CIB1: variants seen among roughly 807,000 people sequenced by gnomAD.
The protein encoded by CIB1 is calcium and integrin binding 1, also known as calcium and integrin-binding protein 1.
Under a neutral mutation model 25.0 loss-of-function variants are expected in CIB1, and 19 were observed. That is an observed-to-expected ratio of 0.76 (90% CI 0.53 to 1.12). The LOEUF (loss-of-function observed/expected upper bound fraction) is 1.12, where lower values mean the gene tolerates loss of function less well. Among genes scored for constraint, CIB1 ranks in the 50% most tolerant of loss-of-function variants. The pLI is 0.00. For missense variants in CIB1, 236 were observed against 242.6 expected (o/e 0.97, Z 0.18); for synonymous variants, 104 against 98.5 (o/e 1.06, Z -0.33).
chr15:90,230,306 C>T lies in CIB1; in HGVS notation c.*178G>A, dbSNP rs774865095. 1.7e-5 allele frequency: 11 copies of T among 647,964 alleles called. No homozygotes were observed. Among genetic ancestry groups the T allele is most frequent in the African/African-American group, 3.7e-5 (2 of 54,512 alleles). 40.1% of individuals were successfully genotyped at this position (647,964 alleles called of 1,614,324 possible). ...ACAAACACAAACGGAGCAATGACAA[C>T]AGCAGTGAGGAGAGGCCCTGACAAC... On this transcript the variant is annotated 3_prime_UTR_variant, in exon 7 of 7. Transcript: ENST00000328649.
chr15:90,247,789 G>T, the CIB1 span, among the ~76,000 whole-genome samples: 1 of 150,894 alleles, frequency 6.6e-6, no homozygotes. Flanking sequence ...AGGCTGGAGT[G>T]CAGTGGCGCG....
chr15:90,256,480 C>T, the CIB1 span, among the ~76,000 whole-genome samples: 1 of 152,170 alleles, frequency 6.6e-6, no homozygotes, highest in Admixed American at 6.5e-5. Flanking sequence ...TCTCAGTTTC[C>T]ACTTCCCAGA....
chr15:90,257,363 C>T, the CIB1 span: 1 of 1,510,214 alleles, frequency 6.6e-7, no homozygotes, highest in Non-Finnish European at 8.9e-7. Context: ...AGAGGTTTGT[C>T]ACTGTCACCA....
chr15:90,244,654 C>G, the CIB1 span: 1 of 152,132 alleles, frequency 6.6e-6, no homozygotes, highest in East Asian at 1.9e-4. Flanking sequence ...GAAACCCCAT[C>G]TCTACTAAAA....
At chr15:90,231,639 G>A (rs1962496217) in intron 3 of CIB1, 132 bp from the exon 4 acceptor site, 5 of 1,054,476 alleles carry the variant, frequency 4.7e-6, no homozygotes, top group Middle Eastern at 3.1e-4. Flanking sequence ...TCAGTGCTTT[G>A]GGGCCAACAT....
chr15:90,260,734 C>T, the CIB1 span, among the ~76,000 whole-genome samples: 1 of 151,602 alleles, frequency 6.6e-6, no homozygotes, highest in Non-Finnish European at 1.5e-5. Flanking sequence ...GCCTGTAATC[C>T]CAGCTACTCA....
the CIB1 span, chr15:90,255,697 C>T: frequency 1.2e-6 from 2 of 1,611,658 alleles, no homozygotes; most frequent in African/African-American, 2.7e-5. Context: ...CCTGGGATGC[C>T]CAGGTGCTAG....
the CIB1 span, chr15:90,241,868 T>G: frequency 5.6e-6 from 9 of 1,614,058 alleles, no homozygotes; most frequent in Non-Finnish European, 5.9e-6. Flanking sequence ...AGTCCAGCTT[T>G]GGGATAAAGG....
At chr15:90,232,087 A>T in intron 3 of CIB1, 132 bp downstream of exon 3, 1 of 695,602 alleles carries the variant, frequency 1.4e-6, no homozygotes, top group Non-Finnish European at 2.4e-6. Context: ...CTAGAAAATC[A>T]GAACTAAGCA....
At chr15:90,256,880 G>A in the CIB1 span, among the ~76,000 whole-genome samples, 8 of 152,054 alleles carry the variant, frequency 5.3e-5, no homozygotes, top group South Asian at 1.5e-3. Flanking sequence ...TAGAGACGGG[G>A]TTTCACCATC....
In CIB1 at chr15:90,232,437, C is replaced by G. The variant is rs979488875; in HGVS notation, c.87-110G>C. ...TCAACCAGGTGAGGAGCTAAAACCA[C>G]GTACACAGAACTTCCGAGTCATCAG... On this transcript the variant is annotated intron_variant, in intron 2 of 6. Transcript: ENST00000328649. 149 of 1,439,868 alleles carry G rather than the reference C, an allele frequency of 1.0e-4. No individual in the cohort carries two copies. Among genetic ancestry groups the G allele is most frequent in the Non-Finnish European group, 1.3e-4 (142 of 1,095,320 alleles). 89.2% of individuals were successfully genotyped at this position (1,439,868 alleles called of 1,614,324 possible).
the CIB1 span, chr15:90,242,252 GCT>G: frequency 1.8e-5 from 4 of 219,900 alleles, no homozygotes; most frequent in Non-Finnish European, 2.9e-5. Context: ...CACACACCTG[GCT>G]TTTTTTTTTT....
intron 4 of CIB1, 32 bp downstream of exon 4, chr15:90,231,325 T>C: frequency 6.2e-7 from 1 of 1,610,596 alleles, no homozygotes; most frequent in Non-Finnish European, 8.5e-7. Flanking sequence ...TGGGAAGGGG[T>C]GGTGTCCTGC....
Position 90,230,470 on chromosome 15 carries a change from C to T in CIB1, c.*14G>A, listed in dbSNP as rs150632796. On this transcript the variant is annotated 3_prime_UTR_variant, in exon 7 of 7. Coordinates refer to ENST00000328649, the MANE Select transcript of CIB1 (RefSeq NM_006384.4). ...TTCTTGGACAGGGTGCCAGGACACA[C>T]GCTGGGGCTGCTGTCACAGGACAAT... The T allele has an allele frequency of 1.9e-3, 2,920 of 1,551,640 alleles. 42 individuals carry two copies. In the African/African-American group the frequency reaches 0.035, roughly 19 times the overall value.
the CIB1 span, chr15:90,258,886 G>A: frequency 1.2e-6 from 2 of 1,614,198 alleles, no homozygotes; most frequent in Admixed American, 1.7e-5. Flanking sequence ...GGCGAGTCAA[G>A]GAACGGCTTT....
At chr15:90,257,317 C>A in the CIB1 span, 4 of 1,588,246 alleles carry the variant, frequency 2.5e-6, no homozygotes, top group South Asian at 3.5e-5. Flanking sequence ...TTTTCCACTG[C>A]CAAAAGTGCT....
chr15:90,250,827 T>C, the CIB1 span: 9 of 1,614,032 alleles, frequency 5.6e-6, no homozygotes, highest in East Asian at 1.8e-4. Flanking sequence ...AAGAAAGTCA[T>C]AGCCCCAGTT....
chr15:90,240,004 A>C, the CIB1 span, among the ~76,000 whole-genome samples: 1 of 152,052 alleles, frequency 6.6e-6, no homozygotes, highest in African/African-American at 2.4e-5. Flanking sequence ...TGGGTGGATC[A>C]CCTGAGGTCA....
upstream of CIB1, among the ~76,000 whole-genome samples, chr15:90,237,622 T>C (rs1290257154): frequency 6.6e-6 from 1 of 152,208 alleles, no homozygotes; most frequent in Admixed American, 6.6e-5. Context: ...CTTTTCTTAT[T>C]GATTAATGAC....
Sources: gnomAD v4.1 joint callset for allele counts (sites outside exome capture counted in the v4.1 genomes callset) on GRCh38, gnomAD v4.1.1 for gene constraint, MANE v1.5 for transcripts, NCBI Gene and HGNC (gene_info 2026-07-23, HGNC 2026-07-21) for gene names.